L3MBTL4: variants seen among roughly 807,000 people sequenced by gnomAD.
L3MBTL4 encodes the protein lethal(3)malignant brain tumor-like protein 4.
In L3MBTL4, 70 loss-of-function variants were observed where a neutral mutation model predicts 84.5. That is an observed-to-expected ratio of 0.83 (90% CI 0.68 to 1.01). L3MBTL4 has a LOEUF of 1.01. Ranked by LOEUF, L3MBTL4 falls within the 50% of genes least tolerant of loss-of-function variation. The pLI is 0.00. For missense variants in L3MBTL4, 715 were observed against 754.8 expected, an observed-to-expected ratio of 0.95 and a Z score of 0.62; for synonymous variants, 274 against 259.8, an observed-to-expected ratio of 1.05 and a Z score of -0.52.
intron 16 of L3MBTL4, among the ~76,000 whole-genome samples, chr18:6,077,104 G>A (rs973676105): frequency 6.6e-6 from 1 of 152,196 alleles, no homozygotes; most frequent in Non-Finnish European, 1.5e-5. Context: ...CAGAGGCCCA[G>A]CTCCGTCCTG....
At chr18:6,369,477 G>A (rs117207135) in intron 1 of L3MBTL4, among the ~76,000 whole-genome samples, 1,733 of 152,256 alleles carry the variant, frequency 0.011, 11 homozygotes, top group Non-Finnish European at 0.016. Flanking sequence ...CTAAGGCTGA[G>A]AAGCCTTATA....
intron 12 of L3MBTL4, among the ~76,000 whole-genome samples, chr18:6,197,985 C>T (rs2045482512): frequency 6.6e-6 from 1 of 152,230 alleles, no homozygotes; most frequent in African/African-American, 2.4e-5. Flanking sequence ...CTCTACTCAT[C>T]CACTTTCAGT....
At chr18:6,413,985 G>T (rs1358013422) in intron 1 of L3MBTL4, 1 of 152,336 alleles carries the variant, frequency 6.6e-6, no homozygotes, top group Non-Finnish European at 1.5e-5. Context: ...TCGCGAAAAC[G>T]CTCTCACCAA....
At position 6,233,520 on chromosome 18, in the gene L3MBTL4, C is replaced by T. The variant is rs565101389; in HGVS notation, c.784+4444G>A. ...CAAAAATCACAAGCATTCTTATACA[C>T]CAATAACAGACAGAGAGCCAAATCA... On this transcript the variant is annotated intron_variant, in intron 10 of 18. Transcript: ENST00000317931. 2.0e-5 allele frequency among the ~76,000 whole-genome samples: 3 copies of T among 147,954 alleles called. 1 individual carries two copies. Among genetic ancestry groups the T allele is most frequent in the African/African-American group, 5.3e-5 (2 of 37,476 alleles).
chr18:6,208,015 G>A (rs1431549170), intron 12 of L3MBTL4, among the ~76,000 whole-genome samples: 2 of 152,086 alleles, frequency 1.3e-5, no homozygotes, highest in Non-Finnish European at 2.9e-5. Context: ...TCAGGAGGCT[G>A]AGGTGTGAGA....
chr18:6,143,995 A>T (rs1015209723), intron 13 of L3MBTL4, among the ~76,000 whole-genome samples: 1 of 152,128 alleles, frequency 6.6e-6, no homozygotes, highest in Admixed American at 6.5e-5. Context: ...CAGGAGATCG[A>T]GACTATCCTG....
Position 6,171,831 on chromosome 18 carries a change from G to A in L3MBTL4, c.1093C>T (p.Gln365Ter). 6.5e-7 allele frequency: 1 copy of A among 1,532,234 alleles called. No individual in the cohort carries two copies. The highest frequency in any genetic ancestry group is 8.8e-7 in the Non-Finnish European group (1 of 1,130,868). The allele number at this position is 1,532,234 out of a possible 1,614,324, so 94.9% of individuals were successfully genotyped here. The change falls in exon 13 of 19, where the codon CAG becomes TAG. Residue 365 changes from glutamine to a stop codon, truncating the protein, a stop_gained. Coordinates refer to ENST00000317931, the MANE Select transcript of L3MBTL4 (RefSeq NM_001330559.2). LOFTEE classifies it high-confidence loss of function. ...CAACAAAGAGCAAAGTACTCACGCT[G>A]TGGCACTTCCAGTGGATGCCCTGTG... ...DVTGHPLEVP[Q>*]RTNDLKILPG... is the part of the protein sequence containing the mutation.
At chr18:6,112,814 G>A (rs1490116688) in intron 14 of L3MBTL4, among the ~76,000 whole-genome samples, 1 of 152,162 alleles carries the variant, frequency 6.6e-6, no homozygotes, top group Non-Finnish European at 1.5e-5. Context: ...TGGAGAGGAA[G>A]TCTCTTCTCA....
chr18:6,286,126 G>A (rs922754744), intron 4 of L3MBTL4, among the ~76,000 whole-genome samples: 7 of 150,560 alleles, frequency 4.6e-5, no homozygotes, highest in African/African-American at 1.2e-4. Context: ...CACCATGCCC[G>A]GCCTGAACTT....
In L3MBTL4 at chr18:6,109,619, C is replaced by T. The variant is rs144661588; in HGVS notation, c.1200-16091G>A. Among the ~76,000 whole-genome samples the T allele has an allele frequency of 2.6e-3, 389 of 152,134 alleles. 1 individual carries two copies. The highest frequency in any genetic ancestry group is 6.8e-3 in the Middle Eastern group (2 of 294). On this transcript the variant is annotated intron_variant, in intron 14 of 18. Coordinates refer to ENST00000317931, the MANE Select transcript of L3MBTL4 (RefSeq NM_001330559.2). ...GAGAATCTGCTGAACATTGTGGAGCCCCTGGCTAAACAAATGCCCACGTGC... is the reference window on the plus strand; with the variant it reads ...GAGAATCTGCTGAACATTGTGGAGCTCCTGGCTAAACAAATGCCCACGTGC...
At chr18:6,395,544 T>C (rs1464873339) in intron 1 of L3MBTL4, 1 of 152,186 alleles carries the variant, frequency 6.6e-6, no homozygotes, top group Non-Finnish European at 1.5e-5. Flanking sequence ...TGTGCCTAAA[T>C]ACCCAACTTA....
Position 6,071,391 on chromosome 18 carries a change from T to TAA in L3MBTL4, c.1444+9488_1444+9489dup, listed in dbSNP as rs769840156. ...GGAGACAGAGTGAGACTCTTTCAATTAAAAAAAAAAAAAAAAAGATAGTAG... is the reference window on the plus strand; with the variant it reads ...GGAGACAGAGTGAGACTCTTTCAATTAAAAAAAAAAAAAAAAAAAGATAGTAG... On this transcript the variant is annotated intron_variant, in intron 16 of 18. Coordinates refer to ENST00000317931, the MANE Select transcript of L3MBTL4 (RefSeq NM_001330559.2). Among the ~76,000 whole-genome samples the TAA allele has an allele frequency of 8.3e-3, 1,073 of 129,902 alleles. 8 individuals carry two copies. Among genetic ancestry groups the TAA allele is most frequent in the African/African-American group, 0.012 (414 of 34,180 alleles). The allele number at this position is 129,902 out of a possible 152,430, so 85.2% of individuals were successfully genotyped here. A position where few individuals can be genotyped will look rare whatever the true frequency, so the allele number is the denominator to read the frequency against.
At chr18:5,958,118 G>GAAA in intron 18 of L3MBTL4, among the ~76,000 whole-genome samples, 1 of 64,814 alleles carries the variant, frequency 1.5e-5, no homozygotes, top group Non-Finnish European at 3.3e-5. Context: ...AGAAGAAGAA[G>GAAA]AAGAAGAAGA....
At chr18:6,048,778 G>C (rs912043008) in intron 16 of L3MBTL4, among the ~76,000 whole-genome samples, 2 of 131,162 alleles carry the variant, frequency 1.5e-5, no homozygotes, top group Admixed American at 8.1e-5. Context: ...AACCGAGTAA[G>C]ACTCCATCTC....
chr18:6,226,228 G>A (rs1450104756), intron 10 of L3MBTL4, among the ~76,000 whole-genome samples: 5 of 151,958 alleles, frequency 3.3e-5, no homozygotes, highest in Non-Finnish European at 2.9e-5. Context: ...CCAACATGGC[G>A]AAACCCCATC....
rs112987038 is a variant in L3MBTL4 at position 6,071,362 on chromosome 18, G to GC, written c.1444+9518dup. Among the ~76,000 whole-genome samples, 138 of 149,412 alleles carry GC rather than the reference G, an allele frequency of 9.2e-4. 2 individuals carry two copies. Among genetic ancestry groups the GC allele is most frequent in the African/African-American group, 3.3e-3 (134 of 40,498 alleles). ...GCCAGGATTACACCACTGCACTTCA[G>GC]CTGGGAGACAGAGTGAGACTCTTTC... On this transcript the variant is annotated intron_variant, in intron 16 of 18. Transcript: ENST00000317931.
At chr18:6,038,249 A>ATTT (rs1466729036) in intron 16 of L3MBTL4, among the ~76,000 whole-genome samples, 9 of 88,558 alleles carry the variant, frequency 1.0e-4, no homozygotes, top group South Asian at 4.8e-4. Flanking sequence ...CCATTTCTGG[A>ATTT]TCTTTTTTTT....
At chr18:6,387,128 CAA>C (rs781515336) in intron 1 of L3MBTL4, among the ~76,000 whole-genome samples, 12 of 152,156 alleles carry the variant, frequency 7.9e-5, no homozygotes, top group Non-Finnish European at 1.3e-4. Context: ...AACACACACA[CAA>C]GAGAAAATTA....
intron 1 of L3MBTL4, among the ~76,000 whole-genome samples, chr18:6,327,381 A>G (rs983127956): frequency 1.5e-4 from 23 of 152,226 alleles, no homozygotes; most frequent in Non-Finnish European, 3.4e-4. Flanking sequence ...CAGTAGGAAA[A>G]TGAATAAATA....
Sources: allele counts gnomAD v4.1 joint callset (sites outside exome capture counted in the v4.1 genomes callset), GRCh38; gene constraint gnomAD v4.1.1; transcripts MANE v1.5; gene names NCBI Gene and HGNC (gene_info 2026-07-23, HGNC 2026-07-21).